The following KLC2 variants were observed in gnomAD, a reference collection of about 807,000 sequenced individuals.
KLC2 encodes kinesin light chain 2, also known as KLC 2.
In KLC2, 35 loss-of-function variants were observed where a neutral mutation model predicts 75.1. The ratio of observed to expected loss-of-function variants is 0.47; its 90% CI spans 0.36 to 0.62. The LOEUF (loss-of-function observed/expected upper bound fraction) is 0.62, where lower values mean the gene tolerates loss of function less well. Among genes scored for constraint, KLC2 ranks in the 20% least tolerant of loss-of-function variants. The probability of loss-of-function intolerance (pLI) is 0.00; values close to 1 mark genes in which losing one functional copy is unlikely to be tolerated. For missense variants in KLC2, 611 were observed against 833.2 expected (o/e 0.73, Z 3.28); for synonymous variants, 314 against 336.7 (o/e 0.93, Z 0.74).
the KLC2 span, among the ~76,000 whole-genome samples, chr11:66,249,054 C>T: frequency 6.6e-6 from 1 of 152,216 alleles, no homozygotes. Flanking sequence ...ATCCTTTGGG[C>T]TGTGACATTT....
At chr11:66,264,467 C>T in intron 9 of KLC2, 23 bp downstream of exon 9, 1 of 1,543,114 alleles carries the variant, frequency 6.5e-7, no homozygotes, top group Non-Finnish European at 8.9e-7. Flanking sequence ...TCACCAGGTG[C>T]CTCTAGCCCA....
In KLC2 at chr11:66,265,962, C is replaced by G. The variant is rs775162419; in HGVS notation, c.1552C>G (p.Arg518Gly). 4.4e-6 allele frequency: 7 copies of G among 1,603,536 alleles called. No homozygotes were observed. In the East Asian group the frequency reaches 1.6e-4, roughly 36 times the overall value. ...AGACATGGCTGGGGGTGCCGGGCCTCGGTCTGAGTCTGACCTCGAGGACGT... is the reference window on the plus strand; with the variant it reads ...AGACATGGCTGGGGGTGCCGGGCCTGGGTCTGAGTCTGACCTCGAGGACGT... ...SRDMAGGAGP[R>G]SESDLEDVGP... is the part of the protein sequence containing the mutation. Residue 518 changes from arginine (R) to glycine (G), a missense_variant, in exon 13 of 16, where the codon CGG becomes GGG. By Grantham distance (125) the Arg-to-Gly change is moderately radical. Transcript: ENST00000394067.
rs762689203 is a variant in KLC2 at position 66,262,231 on chromosome 11, T to C, written c.529+39T>C. 4 of 1,544,918 alleles carry C rather than the reference T, an allele frequency of 2.6e-6. No individual in the cohort carries two copies. The Admixed American group carries it at 5.0e-5, about 19-fold the overall frequency. ...GTTCTGGAGTGGGGGAAGGAAAGGT[T>C]GTGTGAACTCTTGGTCCTTGGGACC... On this transcript the variant is annotated intron_variant, in intron 4 of 15. Transcript: ENST00000394067.
At chr11:66,249,198 TG>T in the KLC2 span, among the ~76,000 whole-genome samples, 2 of 152,204 alleles carry the variant, frequency 1.3e-5, no homozygotes, top group African/African-American at 4.8e-5. Context: ...TTATAGGTTG[TG>T]GGGAGGAAGA....
chr11:66,255,230 G>T (rs1000013085), upstream of KLC2, among the ~76,000 whole-genome samples: 6 of 152,338 alleles, frequency 3.9e-5, no homozygotes, highest in Admixed American at 3.9e-4. Context: ...TTGCCGCCCA[G>T]GCTGGAGTTC....
upstream of KLC2, among the ~76,000 whole-genome samples, chr11:66,255,835 A>G (rs957078382): frequency 2.7e-5 from 4 of 148,352 alleles, no homozygotes; most frequent in African/African-American, 7.5e-5. Flanking sequence ...GTGCCATCTC[A>G]GCTCACTGCA....
At chr11:66,255,111 TG>T (rs558279773), upstream of KLC2, among the ~76,000 whole-genome samples, 324 of 152,268 alleles carry the variant, frequency 2.1e-3, 1 homozygote, top group Admixed American at 5.9e-3. Context: ...GCTGGGCAGG[TG>T]GGAGTCCAGT....
At chr11:66,246,392 G>A in the KLC2 span, among the ~76,000 whole-genome samples, 1 of 152,096 alleles carries the variant, frequency 6.6e-6, no homozygotes, top group African/African-American at 2.4e-5. Context: ...GAGGGTGAAG[G>A]GTGAACTCTC....
chr11:66,257,920 G>C (rs1856116984), intron 1 of KLC2, 49 bp downstream of exon 1: 1 of 152,596 alleles, frequency 6.6e-6, no homozygotes, highest in Non-Finnish European at 1.5e-5. Context: ...CCCTAAAGCG[G>C]GGGAGGAGAC....
chr11:66,267,137 C>T lies in KLC2; in HGVS notation c.*181C>T. ...CTGAGCCCTGGAGGCTGGGCCTGCC[C>T]ACTCCAGCTCCATCCCTTATTTATT... is the stretch of plus-strand genomic sequence containing the variant. On this transcript the variant is annotated 3_prime_UTR_variant, in exon 16 of 16. Coordinates refer to ENST00000394067, the MANE Select transcript of KLC2 (RefSeq NM_001318734.2). 7 of 1,534,876 alleles carry T rather than the reference C, an allele frequency of 4.6e-6. No homozygotes were observed. Among genetic ancestry groups the T allele is most frequent in the East Asian group, 2.5e-5 (1 of 40,742 alleles).
At position 66,265,769 on chromosome 11, in the gene KLC2, G is replaced by A. The variant is rs1022166768; in HGVS notation, c.1443+6G>A. On this transcript the variant is annotated splice_donor_region_variant and intron_variant, in intron 12 of 15. Transcript: ENST00000394067. The stretch of plus-strand genomic sequence containing the variant: ...CCAGCCGTAACCGCAAGCAGGTGGG[G>A]CTCCATGCAGGAGGGGGTGGGCAGA... 4.8e-5 allele frequency: 77 copies of A among 1,612,858 alleles called. No homozygotes were observed. Among genetic ancestry groups the A allele is most frequent in the Non-Finnish European group, 6.4e-5 (76 of 1,179,236 alleles).
At chr11:66,261,135 A>C (rs1856383729) in intron 2 of KLC2, 2 of 151,450 alleles carry the variant, frequency 1.3e-5, no homozygotes, top group Non-Finnish European at 2.9e-5. Context: ...AAGAGACTGG[A>C]AACTAAGGAA....
At chr11:66,251,524 G>A in the KLC2 span, among the ~76,000 whole-genome samples, 1 of 133,914 alleles carries the variant, frequency 7.5e-6, no homozygotes, top group African/African-American at 2.6e-5. Flanking sequence ...TGGTGGCTCA[G>A]CACCTTGGGA....
At chr11:66,261,578 C>T in intron 2 of KLC2, 164 bp from the exon 3 acceptor site, 1 of 596,724 alleles carries the variant, frequency 1.7e-6, no homozygotes, top group African/African-American at 1.9e-5. Flanking sequence ...TGTCGGGGGC[C>T]TTGAGGAGAT....
At chr11:66,266,614 T>G in intron 15 of KLC2, 124 bp downstream of exon 15, 2 of 1,127,660 alleles carry the variant, frequency 1.8e-6, no homozygotes, top group South Asian at 2.5e-5. Flanking sequence ...CAGGCCTACT[T>G]TGGGCTGGAC....
chr11:66,267,593 C>T lies in KLC2; in HGVS notation c.*637C>T, dbSNP rs1010312030. 1.6e-6 allele frequency: 1 copy of T among 609,542 alleles called. No individual in the cohort carries two copies. The allele number at this position is 609,542 out of a possible 1,614,324, so 37.8% of individuals were successfully genotyped here. ...CCCGTGGCCCAGGACGGGGACCTCC[C>T]CTTAGTCCGTCCTCCCACCGCCGGG... On this transcript the variant is annotated 3_prime_UTR_variant, in exon 16 of 16. Transcript: ENST00000394067.
Position 66,267,273 on chromosome 11 carries a change from T to TA in KLC2, c.*319dup. 8.1e-7 allele frequency: 1 copy of TA among 1,228,484 alleles called. No homozygotes were observed. Among genetic ancestry groups the TA allele is most frequent in the Non-Finnish European group, 1.2e-6 (1 of 853,034 alleles). 76.1% of individuals were successfully genotyped at this position (1,228,484 alleles called of 1,614,324 possible). A position where few individuals can be genotyped will look rare whatever the true frequency, so the allele number is the denominator to read the frequency against. ...CCCCAGACCCCAGAGCCAAGAACAC[T>TA]AAGCACTCGCCGGCCCTTCGGCACC... On this transcript the variant is annotated 3_prime_UTR_variant, in exon 16 of 16. Coordinates refer to ENST00000394067, the MANE Select transcript of KLC2 (RefSeq NM_001318734.2).
At chr11:66,262,388 A>T (rs1856498105) in intron 4 of KLC2, 196 bp downstream of exon 4, 1 of 596,626 alleles carries the variant, frequency 1.7e-6, no homozygotes, top group Non-Finnish European at 3.0e-6. Flanking sequence ...CATCACAATT[A>T]GCTGTGGAGT....
chr11:66,264,048 C>T lies in KLC2; in HGVS notation c.945C>T (p.Val315=). 1 of 1,608,104 alleles carries T rather than the reference C, an allele frequency of 6.2e-7. No homozygotes were observed. Among genetic ancestry groups the T allele is most frequent in the South Asian group, 1.1e-5 (1 of 90,484 alleles). ...CKRALEIREK[V]LGKFHPDVAK... ...CCTGGCTCCCTCTCCCATCCCAGGT[C>T]CTGGGCAAGTTTCACCCAGATGTGG... Residue 315 remains valine (V), a splice_region_variant and synonymous_variant, in exon 8 of 16, where the codon GTC becomes GTT. Transcript: ENST00000394067.
Sources: gnomAD v4.1 joint callset for allele counts (sites outside exome capture counted in the v4.1 genomes callset) on GRCh38, gnomAD v4.1.1 for gene constraint, MANE v1.5 for transcripts, NCBI Gene and HGNC (gene_info 2026-07-23, HGNC 2026-07-21) for gene names.